MOV10: variants seen among roughly 807,000 people sequenced by gnomAD.
MOV10 encodes the protein RNA helicase MOV-10.
A neutral mutation model predicts 108.4 loss-of-function variants in MOV10; 39 were observed. That is an observed-to-expected ratio of 0.36 (90% CI 0.28 to 0.47). The LOEUF is 0.47. Ranked by LOEUF, MOV10 falls within the 20% of genes least tolerant of loss-of-function variation. The pLI, the probability that MOV10 is intolerant of heterozygous loss-of-function variation, is 1.00. For missense variants in MOV10, 952 were observed against 1,297.6 expected (o/e 0.73, Z 4.09); for synonymous variants, 490 against 523.1 (o/e 0.94, Z 0.86).
intron 7 of MOV10, among the ~76,000 whole-genome samples, chr1:112,693,257 T>C (rs1004826388): frequency 6.6e-6 from 1 of 152,224 alleles, no homozygotes; most frequent in Non-Finnish European, 1.5e-5. Flanking sequence ...AATGTGTGCA[T>C]ATAAGCCCAA....
Position 112,689,522 on chromosome 1 carries a change from T to G in MOV10, c.449T>G (p.Val150Gly). The change falls in exon 4 of 21, where the codon GTG becomes GGG. Residue 150 changes from valine to glycine, a missense_variant. Physicochemically the swap from Val to Gly is moderately radical, Grantham distance 109 (BLOSUM62 -3). This residue lies in a region of MOV10 where 374 missense variants were observed against 468.6 expected (regional missense o/e 0.80). Coordinates refer to ENST00000369645, the MANE Select transcript of MOV10 (RefSeq NM_001321324.2). ...CGCCTGGATTTGAACCGCAAAGAGG[T>G]GCTGACCCTGAGGCTTCGGAATGGC... ...LIRLDLNRKE[V>G]LTLRLRNGGT... 1 of 1,613,916 alleles carries G rather than the reference T, an allele frequency of 6.2e-7. No individual in the cohort carries two copies. The highest frequency in any genetic ancestry group is 8.5e-7 in the Non-Finnish European group (1 of 1,179,976).
Position 112,694,933 on chromosome 1 carries a change from A to T in MOV10, c.1620+37A>T. ...GCACAAACCTGGGGCCTGCACTCTGATTCCCCCAGCACCAAGCAGTTGTCC... is the reference window on the plus strand; with the variant it reads ...GCACAAACCTGGGGCCTGCACTCTGTTTCCCCCAGCACCAAGCAGTTGTCC... On this transcript the variant is annotated intron_variant, in intron 10 of 20. Coordinates refer to ENST00000369645, the MANE Select transcript of MOV10 (RefSeq NM_001321324.2). The surrounding 1 kb of genome is among the most constrained non-coding windows in gnomAD (Gnocchi z 4.1). 1 of 1,596,518 alleles carries T rather than the reference A, an allele frequency of 6.3e-7. No homozygotes were observed. Among genetic ancestry groups the T allele is most frequent in the Non-Finnish European group, 8.6e-7 (1 of 1,168,440 alleles).
Position 112,700,486 on chromosome 1 carries a change from A to G in MOV10, c.2991A>G (p.Pro997=), listed in dbSNP as rs1301305912. Residue 997 remains proline (P), a synonymous_variant, in exon 21 of 21, where the codon CCA becomes CCG. Transcript: ENST00000369645. ...GGGGCCTGTCTCTGCAAGTGGAGCCAGAGTGGAGGAATGAGCTCTGAAGAC... is the reference window on the plus strand; with the variant it reads ...GGGGCCTGTCTCTGCAAGTGGAGCCGGAGTGGAGGAATGAGCTCTGAAGAC... ...GEGGLSLQVE[P]EWRNEL 6.2e-7 allele frequency: 1 copy of G among 1,613,828 alleles called. No individual in the cohort carries two copies.
At chr1:112,700,168 G>A (rs780372403) in intron 19 of MOV10, 51 bp from the exon 20 acceptor site, 1 of 1,613,002 alleles carries the variant, frequency 6.2e-7, no homozygotes, top group Admixed American at 1.7e-5. Flanking sequence ...AGATGGGACA[G>A]GACCGTGGCT....
intron 14 of MOV10, chr1:112,697,735 A>G: frequency 2.6e-6 from 1 of 388,394 alleles, no homozygotes; most frequent in Admixed American, 4.1e-5. Flanking sequence ...AAACCTGAAA[A>G]TGGGCCCCTA....
intron 2 of MOV10, among the ~76,000 whole-genome samples, chr1:112,682,501 A>G (rs1397109053): frequency 6.6e-6 from 1 of 152,234 alleles, no homozygotes; most frequent in Non-Finnish European, 1.5e-5. Flanking sequence ...AAATTTGCAA[A>G]CAGCAAAATG....
rs1557768830 is a variant in MOV10 at position 112,696,133 on chromosome 1, C to G, written c.1780-15C>G. On this transcript the variant is annotated splice_polypyrimidine_tract_variant and intron_variant, in intron 11 of 20. Transcript: ENST00000369645. ...GGAGCCAAGCTGATTCCTCTGGTCC[C>G]TTCACAATCCACAGCCCTGCTGCAA... 6.3e-7 allele frequency: 1 copy of G among 1,592,324 alleles called. No homozygotes were observed.
chr1:112,696,075 G>T lies in MOV10; in HGVS notation c.1780-73G>T, dbSNP rs1412451032. On this transcript the variant is annotated intron_variant, in intron 11 of 20. Coordinates refer to ENST00000369645, the MANE Select transcript of MOV10 (RefSeq NM_001321324.2). ...AATAAAAATAATTGTTTGAGGGGGG[G>T]TACCCACAGCCAGAATCACGGTGGG... The T allele has an allele frequency of 2.0e-5, 19 of 973,802 alleles. No homozygotes were observed. The Admixed American group carries it at 3.2e-4, about 16-fold the overall frequency. The allele number at this position is 973,802 out of a possible 1,614,324, so 60.3% of individuals were successfully genotyped here.
chr1:112,681,670 A>G (rs1486394237), intron 2 of MOV10, among the ~76,000 whole-genome samples: 5 of 152,112 alleles, frequency 3.3e-5, no homozygotes, highest in East Asian at 1.9e-4. Context: ...GAACATCCAC[A>G]TACCCTTACC....
chr1:112,688,961 C>G lies in MOV10; in HGVS notation c.164C>G (p.Ser55Cys). 6.2e-7 allele frequency: 1 copy of G among 1,612,444 alleles called. No individual in the cohort carries two copies. The highest frequency in any genetic ancestry group is 8.5e-7 in the Non-Finnish European group (1 of 1,180,036). ...ISFGTPAPGF[S>C]SMLYGMKIAN... ...TTTGGGACCCCCGCCCCTGGCTTCT[C>G]CTCCATGCTGTATGGAATGAAGATT... The change falls in exon 3 of 21, where the codon TCC (serine) becomes TGC (cysteine). Residue 55 changes from serine (S) to cysteine (C), a missense_variant. Physicochemically the swap from Ser to Cys is moderately radical, Grantham distance 112 (BLOSUM62 -1). This residue lies in a region of MOV10 where 374 missense variants were observed against 468.6 expected (regional missense o/e 0.80). Transcript: ENST00000369645.
At chr1:112,687,201 A>G (rs1316392667) in intron 2 of MOV10, 3 of 334,892 alleles carry the variant, frequency 9.0e-6, no homozygotes, top group Non-Finnish European at 1.2e-5. Flanking sequence ...TTTACTGAGC[A>G]TTTTCTATTA....
Position 112,694,611 on chromosome 1 carries a change from C to T in MOV10, c.1454C>T (p.Pro485Leu). 6.2e-7 allele frequency: 1 copy of T among 1,605,502 alleles called. No individual in the cohort carries two copies. The highest frequency in any genetic ancestry group is 1.1e-5 in the South Asian group (1 of 89,594). The change falls in exon 9 of 21, where the codon CCC (proline) becomes CTC (leucine). Residue 485 changes from proline (P) to leucine (L), a missense_variant. Physicochemically the swap from Pro to Leu is moderately conservative, Grantham distance 98. Transcript: ENST00000369645. The surrounding 1 kb of genome is among the most constrained non-coding windows in gnomAD (Gnocchi z 4.1). ...GCACCTCGGGACGTCCCGCTGCTGCCCTCAGATGTGAAACTCAAGTGAGAC... is the reference window on the plus strand; with the variant it reads ...GCACCTCGGGACGTCCCGCTGCTGCTCTCAGATGTGAAACTCAAGTGAGAC... ...PVAPRDVPLLPSDVKLKLYDR... is the reference protein window; with the variant it reads ...PVAPRDVPLLLSDVKLKLYDR...
intron 16 of MOV10, 118 bp downstream of exon 16, chr1:112,698,596 G>A: frequency 1.4e-6 from 2 of 1,446,186 alleles, no homozygotes; most frequent in South Asian, 2.4e-5. Context: ...CCGTATCTCA[G>A]AAGAGCACCA....
rs1391127536 is a variant in MOV10, at chr1:112,696,662, G to A, written c.2014G>A (p.Gly672Arg). Residue 672 changes from glycine to arginine, a missense_variant, in exon 14 of 21, where the codon GGA becomes AGA. Around this residue, in one of 5 missense-constraint regions of MOV10, gnomAD observed 453 missense variants for 611.5 expected, o/e 0.74. Transcript: ENST00000369645. ...GGAAGTAAAGGAAACAGGTGATCCA[G>A]GAGGGCAGCTGGTGCTGGCAGGAGA... ...LMEVKETGDP[G>R]GQLVLAGDPR... 6 of 1,611,578 alleles carry A rather than the reference G, an allele frequency of 3.7e-6. No individual in the cohort carries two copies. The Admixed American group carries it at 6.7e-5, about 18-fold the overall frequency.
rs368762365 is a variant in MOV10 at position 112,700,202 on chromosome 1, T to C, written c.2799-17T>C. The C allele has an allele frequency of 6.2e-7, 1 of 1,613,878 alleles. No individual in the cohort carries two copies. Among genetic ancestry groups the C allele is most frequent in the Non-Finnish European group, 8.5e-7 (1 of 1,179,860 alleles). On this transcript the variant is annotated splice_polypyrimidine_tract_variant and intron_variant, in intron 19 of 20. Transcript: ENST00000369645. ...CTTAGCCTCCAGTCTCTGCTGGCACTCCTCTGTACCCCACAGATTCCTGGA... is the reference window on the plus strand; with the variant it reads ...CTTAGCCTCCAGTCTCTGCTGGCACCCCTCTGTACCCCACAGATTCCTGGA...
At chr1:112,698,514 T>TC in intron 16 of MOV10, 36 bp downstream of exon 16, 2 of 1,594,872 alleles carry the variant, frequency 1.3e-6, no homozygotes, top group Non-Finnish European at 1.7e-6. Context: ...GTGGGGCCCC[T>TC]CCCCCAGATG....
chr1:112,695,515 T>G lies in MOV10; in HGVS notation c.1720T>G (p.Ser574Ala). ...AAGGCTCCGGGTCCACCTTCCTAGC[T>G]CCATCTACCGCCTCCTGGCCCCCAG... ...CQRLRVHLPSSIYRLLAPSRD... is the reference protein window; with the variant it reads ...CQRLRVHLPSAIYRLLAPSRD... The change falls in exon 11 of 21, where the codon TCC (serine) becomes GCC (alanine). Residue 574 changes from serine to alanine, a missense_variant. By Grantham distance (99) the Ser-to-Ala change is moderately conservative. This residue lies in a region of MOV10 where 453 missense variants were observed against 611.5 expected (regional missense o/e 0.74). Coordinates refer to ENST00000369645, the MANE Select transcript of MOV10 (RefSeq NM_001321324.2). The G allele has an allele frequency of 6.2e-7, 1 of 1,614,140 alleles. No individual in the cohort carries two copies. Among genetic ancestry groups the G allele is most frequent in the Non-Finnish European group, 8.5e-7 (1 of 1,180,026 alleles).
chr1:112,691,650 C>T lies in MOV10; in HGVS notation c.837-15C>T. On this transcript the variant is annotated splice_polypyrimidine_tract_variant and intron_variant, in intron 5 of 20. Coordinates refer to ENST00000369645, the MANE Select transcript of MOV10 (RefSeq NM_001321324.2). ...GGTGAGGGGTTTTCTGTGTTTTCTT[C>T]CCTCGATTCTGCAGCGCTAAGGGCT... The T allele has an allele frequency of 6.2e-7, 1 of 1,610,670 alleles. No individual in the cohort carries two copies. The highest frequency in any genetic ancestry group is 8.5e-7 in the Non-Finnish European group (1 of 1,177,570).
rs771787565 is a variant in MOV10 at position 112,700,567 on chromosome 1, C to T, written c.*60C>T. 1.4e-4 allele frequency: 217 copies of T among 1,596,354 alleles called. No homozygotes were observed. The highest frequency in any genetic ancestry group is 1.7e-4 in the Non-Finnish European group (200 of 1,171,280). On this transcript the variant is annotated 3_prime_UTR_variant, in exon 21 of 21. Coordinates refer to ENST00000369645, the MANE Select transcript of MOV10 (RefSeq NM_001321324.2). ...CCTTAACTGCCTGCCTGACCCTGAA[C>T]CAGAACCCAGCTGAACTGCCCCTCC... is the stretch of plus-strand genomic sequence containing the variant.
Sources: gnomAD v4.1 joint callset for allele counts (sites outside exome capture counted in the v4.1 genomes callset) on GRCh38, gnomAD v4.1.1 for gene constraint, gnomAD v4.1.1 regional missense constraint, Gnocchi (gnomAD v3.1) non-coding constraint, MANE v1.5 for transcripts, NCBI Gene and HGNC (gene_info 2026-07-23, HGNC 2026-07-21) for gene names.